Variants in IL7R observed in about 807,000 individuals in gnomAD.
IL7R encodes the protein interleukin 7 receptor.
A neutral mutation model predicts 47.0 loss-of-function variants in IL7R; 38 were observed. That is an observed-to-expected ratio of 0.81 (90% CI 0.62 to 1.06). The LOEUF (loss-of-function observed/expected upper bound fraction) is 1.06, where lower values mean the gene tolerates loss of function less well. IL7R is among the 50% of genes least tolerant of loss of function. The pLI is 0.00. For missense variants in IL7R, 633 were observed against 534.8 expected (o/e 1.18, Z -1.81); for synonymous variants, 221 against 199.8 (o/e 1.11, Z -0.89).
intron 2 of IL7R, among the ~76,000 whole-genome samples, chr5:35,862,839 A>C (rs1759852079): frequency 6.6e-6 from 1 of 152,130 alleles, no homozygotes; most frequent in African/African-American, 2.4e-5. Flanking sequence ...TTGAACTAAA[A>C]GTTATTGTCC....
chr5:35,860,169 T>C lies in IL7R; in HGVS notation c.83-683T>C, dbSNP rs576155839. Among the ~76,000 whole-genome samples, 9 of 152,290 alleles carry C rather than the reference T, an allele frequency of 5.9e-5. No homozygotes were observed. The South Asian group carries it at 1.4e-3, about 25-fold the overall frequency. On this transcript the variant is annotated intron_variant, in intron 1 of 7. Transcript: ENST00000303115. ...AATCTATAAGAACAGAAGCAGTATG[T>C]ACAACATTCACAGGAAGTTTCACCA...
In IL7R at chr5:35,878,755, C is replaced by T. The variant is rs1017440494; in HGVS notation, c.*2269C>T. 8.6e-6 allele frequency: 2 copies of T among 232,818 alleles called. No homozygotes were observed. Among genetic ancestry groups the T allele is most frequent in the Non-Finnish European group, 1.7e-5 (2 of 117,880 alleles). 14.4% of individuals were successfully genotyped at this position (232,818 alleles called of 1,614,324 possible). A position where few individuals can be genotyped will look rare whatever the true frequency, so the allele number is the denominator to read the frequency against. ...GGGACACAGGAAGACAGGTAAATTA[C>T]CCAACCTCACACGTTAAGTCAGAAC... On this transcript the variant is annotated 3_prime_UTR_variant, in exon 8 of 8. Transcript: ENST00000303115.
At chr5:35,864,944 T>C (rs1163727033) in intron 2 of IL7R, among the ~76,000 whole-genome samples, 4 of 152,172 alleles carry the variant, frequency 2.6e-5, no homozygotes, top group Non-Finnish European at 5.9e-5. Flanking sequence ...TCTACAGTTT[T>C]AGCCTTTATA....
At chr5:35,873,296 C>A in intron 4 of IL7R, 184 bp from the exon 5 acceptor site, 2 of 647,976 alleles carry the variant, frequency 3.1e-6, no homozygotes, top group Admixed American at 2.3e-5. Context: ...CCTTTATAAG[C>A]TCAGATTCTG....
chr5:35,872,883 T>G (rs539177675), intron 4 of IL7R, among the ~76,000 whole-genome samples: 32 of 148,936 alleles, frequency 2.1e-4, no homozygotes, highest in African/African-American at 7.7e-4. Flanking sequence ...AATAGAAAAA[T>G]GAGCAAAAAA....
At chr5:35,860,820 T>C in intron 1 of IL7R, 32 bp from the exon 2 acceptor site, 3 of 1,611,058 alleles carry the variant, frequency 1.9e-6, no homozygotes, top group Non-Finnish European at 2.5e-6. Flanking sequence ...TTTATTTGTT[T>C]CATTAACAGC....
rs1213380348 is a variant in IL7R at position 35,867,413 on chromosome 5, A to G, written c.329A>G (p.Lys110Arg). The change falls in exon 3 of 8, where the codon AAG becomes AGG. Residue 110 changes from lysine to arginine, a missense_variant. Transcript: ENST00000303115. ...LLIGKSNICV[K>R]VGEKSLTCKK... ...ATTGGAAAGAGCAATATATGTGTGA[A>G]GGTTGGAGAAAAGAGTCTAACCTGC... 6.2e-7 allele frequency: 1 copy of G among 1,613,456 alleles called. No homozygotes were observed. The highest frequency in any genetic ancestry group is 1.1e-5 in the South Asian group (1 of 91,066).
chr5:35,865,482 G>A (rs1039236379), intron 2 of IL7R, among the ~76,000 whole-genome samples: 5 of 152,140 alleles, frequency 3.3e-5, no homozygotes, highest in Non-Finnish European at 5.9e-5. Context: ...CCCAGTAATG[G>A]GATGGCTGGG....
intron 7 of IL7R, 46 bp from the exon 8 acceptor site, chr5:35,875,937 G>A (rs1212019359): frequency 6.3e-7 from 1 of 1,594,608 alleles, no homozygotes; most frequent in Non-Finnish European, 8.5e-7. Context: ...TTGATGGTGT[G>A]TCTCTCTGGT....
intron 1 of IL7R, 146 bp downstream of exon 1, chr5:35,857,205 T>TC (rs72534634): frequency 4.9e-6 from 3 of 613,454 alleles, no homozygotes; most frequent in African/African-American, 4.3e-5. Flanking sequence ...TTTTTTAATG[T>TC]TTAACCACCA....
intron 5 of IL7R, 103 bp from the exon 6 acceptor site, chr5:35,874,346 T>C: frequency 2.4e-6 from 2 of 835,512 alleles, no homozygotes; most frequent in Non-Finnish European, 4.3e-6. Flanking sequence ...TTTCAGGAAA[T>C]AATAAGTGGG....
At chr5:35,867,904 A>G (rs1759978419) in intron 3 of IL7R, among the ~76,000 whole-genome samples, 1 of 76,700 alleles carries the variant, frequency 1.3e-5, no homozygotes, top group African/African-American at 8.6e-5. Flanking sequence ...TATTAGTCAG[A>G]GTTTTCTACA....
chr5:35,864,399 G>T (rs946765319), intron 2 of IL7R, among the ~76,000 whole-genome samples: 1 of 152,118 alleles, frequency 6.6e-6, no homozygotes, highest in African/African-American at 2.4e-5. Context: ...ACCTCAGAAT[G>T]GAATTGCTGT....
At chr5:35,875,374 C>A in intron 6 of IL7R, 138 bp from the exon 7 acceptor site, 1 of 726,702 alleles carries the variant, frequency 1.4e-6, no homozygotes, top group Non-Finnish European at 2.5e-6. Context: ...GTCTCTTGAC[C>A]ATGGTCACCC....
Position 35,879,087 on chromosome 5 carries a change from A to C in IL7R, c.*2601A>C. On this transcript the variant is annotated 3_prime_UTR_variant, in exon 8 of 8. Transcript: ENST00000303115. Reference sequence around the variant, plus strand: ...TCCTTTCAGATTTTATTAGGAAAAAAAAATAAACCTCCTGATCGGAGACAA... The same window carrying C: ...TCCTTTCAGATTTTATTAGGAAAAACAAATAAACCTCCTGATCGGAGACAA... 1 of 232,918 alleles carries C rather than the reference A, an allele frequency of 4.3e-6. No individual in the cohort carries two copies. Among genetic ancestry groups the C allele is most frequent in the Non-Finnish European group, 8.5e-6 (1 of 117,854 alleles). The allele number at this position is 232,918 out of a possible 1,614,324, so 14.4% of individuals were successfully genotyped here. A position where few individuals can be genotyped will look rare whatever the true frequency, so the allele number is the denominator to read the frequency against.
At chr5:35,862,544 A>C (rs1759847209) in intron 2 of IL7R, among the ~76,000 whole-genome samples, 1 of 152,164 alleles carries the variant, frequency 6.6e-6, no homozygotes, top group African/African-American at 2.4e-5. Flanking sequence ...CTGCCTTAAG[A>C]AAGAAACGTT....
chr5:35,874,626 C>T, intron 6 of IL7R, 84 bp downstream of exon 6: 1 of 1,028,608 alleles, frequency 9.7e-7, no homozygotes, highest in Non-Finnish European at 1.5e-6. Context: ...GATGAGAAAA[C>T]CACAAAGGGG....
At chr5:35,873,035 T>G (rs893127723) in intron 4 of IL7R, among the ~76,000 whole-genome samples, 19 of 151,848 alleles carry the variant, frequency 1.3e-4, no homozygotes, top group Admixed American at 2.6e-4. Context: ...TTTTTTAATC[T>G]TAAAGATAAT....
chr5:35,874,558 T>G lies in IL7R; in HGVS notation c.800+16T>G. 1 of 1,523,530 alleles carries G rather than the reference T, an allele frequency of 6.6e-7. No individual in the cohort carries two copies. The highest frequency in any genetic ancestry group is 9.1e-7 in the Non-Finnish European group (1 of 1,097,384). The allele number at this position is 1,523,530 out of a possible 1,614,324, so 94.4% of individuals were successfully genotyped here. On this transcript the variant is annotated intron_variant, in intron 6 of 7. Coordinates refer to ENST00000303115, the MANE Select transcript of IL7R (RefSeq NM_002185.5). ...GGAAAAAAAGGTGACCTTCTTCAACTAATAAAGAGGGTGATTGTGTGGGAT... is the reference window on the plus strand; with the variant it reads ...GGAAAAAAAGGTGACCTTCTTCAACGAATAAAGAGGGTGATTGTGTGGGAT...
Sources: gnomAD v4.1 joint callset for allele counts (sites outside exome capture counted in the v4.1 genomes callset) on GRCh38, gnomAD v4.1.1 for gene constraint, MANE v1.5 for transcripts, NCBI Gene and HGNC (gene_info 2026-07-23, HGNC 2026-07-21) for gene names.